PRRX1: variants seen among roughly 807,000 people sequenced by gnomAD.
PRRX1 encodes the protein paired related homeobox 1, also known as paired mesoderm homeobox protein 1.
Under a neutral mutation model 24.0 loss-of-function variants are expected in PRRX1, and 8 were observed. The observed-to-expected ratio is 0.33, with a 90% CI of 0.20 to 0.60. The LOEUF (loss-of-function observed/expected upper bound fraction) is 0.60, where lower values mean the gene tolerates loss of function less well. PRRX1 is among the 20% of genes least tolerant of loss of function. The pLI, the probability that PRRX1 is intolerant of heterozygous loss-of-function variation, is 0.82. For missense variants in PRRX1, 281 were observed against 322.4 expected, an observed-to-expected ratio of 0.87 and a Z score of 0.98; for synonymous variants, 160 against 131.7, an observed-to-expected ratio of 1.22 and a Z score of -1.47.
chr1:170,688,423 T>C (rs1207751239), intron 1 of PRRX1, among the ~76,000 whole-genome samples: 2 of 152,116 alleles, frequency 1.3e-5, no homozygotes, highest in Non-Finnish European at 2.9e-5. Context: ...AAATTTACTC[T>C]TAAAGATAGC....
intron 1 of PRRX1, among the ~76,000 whole-genome samples, chr1:170,685,840 C>T (rs557212795): frequency 3.3e-5 from 5 of 151,938 alleles, no homozygotes; most frequent in African/African-American, 1.2e-4. Flanking sequence ...TAAGGACAGG[C>T]CTTGAGTGCA....
intron 3 of PRRX1, among the ~76,000 whole-genome samples, chr1:170,729,433 A>G (rs1003522236): frequency 1.3e-5 from 2 of 149,762 alleles, no homozygotes; most frequent in Admixed American, 6.7e-5. Context: ...GAAAGGAGAA[A>G]ACCAAGGCAT....
chr1:170,719,031 C>T (rs1477479039), intron 1 of PRRX1, among the ~76,000 whole-genome samples: 1 of 152,102 alleles, frequency 6.6e-6, no homozygotes, highest in Non-Finnish European at 1.5e-5. Flanking sequence ...TGAACTGTTT[C>T]CTGTTCTTGG....
At chr1:170,703,255 T>A (rs934102661) in intron 1 of PRRX1, among the ~76,000 whole-genome samples, 3 of 152,226 alleles carry the variant, frequency 2.0e-5, no homozygotes, top group African/African-American at 4.8e-5. Flanking sequence ...TCTACGAATG[T>A]CAAGTGTTTC....
intron 1 of PRRX1, among the ~76,000 whole-genome samples, chr1:170,665,908 G>T (rs573483099): frequency 4.6e-5 from 7 of 152,348 alleles, no homozygotes; most frequent in African/African-American, 1.2e-4. Context: ...CCAGAGAAAG[G>T]TGGCCAACTC....
At chr1:170,676,335 T>G (rs1388640258) in intron 1 of PRRX1, among the ~76,000 whole-genome samples, 1 of 152,132 alleles carries the variant, frequency 6.6e-6, no homozygotes, top group Admixed American at 6.6e-5. Flanking sequence ...CCCTCTCTTT[T>G]TTTTTTCTTT....
chr1:170,665,239 T>C (rs1401835171), intron 1 of PRRX1, among the ~76,000 whole-genome samples: 1 of 152,216 alleles, frequency 6.6e-6, no homozygotes, highest in Non-Finnish European at 1.5e-5. Context: ...CGGAGGCCAG[T>C]GTCACCTTAG....
intron 1 of PRRX1, among the ~76,000 whole-genome samples, chr1:170,718,137 C>T (rs1654965163): frequency 6.6e-6 from 1 of 152,196 alleles, no homozygotes; most frequent in South Asian, 2.1e-4. Flanking sequence ...TTTTTTTCTA[C>T]AGAAACAGTC....
chr1:170,680,831 G>A (rs559689143), intron 1 of PRRX1, among the ~76,000 whole-genome samples: 18 of 152,244 alleles, frequency 1.2e-4, no homozygotes, highest in African/African-American at 4.3e-4. Context: ...AATTTTCTGA[G>A]TAGCAAGCAT....
intron 1 of PRRX1, among the ~76,000 whole-genome samples, chr1:170,677,452 C>T (rs1345080768): frequency 1.3e-5 from 2 of 152,170 alleles, no homozygotes; most frequent in Non-Finnish European, 2.9e-5. Flanking sequence ...GGGCATTTTG[C>T]TTACATTATT....
intron 1 of PRRX1, among the ~76,000 whole-genome samples, chr1:170,710,535 T>C (rs541000436): frequency 6.6e-6 from 1 of 152,336 alleles, no homozygotes; most frequent in African/African-American, 2.4e-5. Context: ...GTTGTCACAA[T>C]TTGTATCATT....
At position 170,667,674 on chromosome 1, in the gene PRRX1, A is replaced by T. The variant is rs530784011; in HGVS notation, c.241+3215A>T. The T allele has an allele frequency of 3.9e-5, 6 of 152,358 alleles. No homozygotes were observed. The South Asian group carries it at 1.2e-3, about 32-fold the overall frequency. 9.4% of individuals were successfully genotyped at this position (152,358 alleles called of 1,614,324 possible). ...CTCTCCCCCACCCCCAAAGGGACTC[A>T]GGGATGAAACCAGGAGTCTGGCGCT... is the stretch of plus-strand genomic sequence containing the variant. On this transcript the variant is annotated intron_variant, in intron 1 of 3. Coordinates refer to ENST00000239461, the MANE Select transcript of PRRX1 (RefSeq NM_022716.4).
intron 1 of PRRX1, among the ~76,000 whole-genome samples, chr1:170,719,040 G>A (rs939584808): frequency 6.6e-6 from 1 of 152,134 alleles, no homozygotes; most frequent in African/African-American, 2.4e-5. Context: ...TCCTGTTCTT[G>A]GGTTCTCAGG....
intron 1 of PRRX1, among the ~76,000 whole-genome samples, chr1:170,710,347 T>C (rs1034186814): frequency 6.6e-6 from 1 of 152,148 alleles, no homozygotes; most frequent in Non-Finnish European, 1.5e-5. Flanking sequence ...CAGATCTTAG[T>C]CCCATAGCCC....
intron 1 of PRRX1, among the ~76,000 whole-genome samples, chr1:170,699,202 G>A (rs1417599216): frequency 6.6e-6 from 1 of 152,186 alleles, no homozygotes; most frequent in African/African-American, 2.4e-5. Context: ...CACTTTCTAT[G>A]CAGGAGATAA....
At chr1:170,664,073 C>CTT, upstream of PRRX1, 2 of 788,412 alleles carry the variant, frequency 2.5e-6, no homozygotes, top group Non-Finnish European at 3.9e-6. Context: ...TCCTCTCCTT[C>CTT]CCTCCCTCTT....
intron 1 of PRRX1, among the ~76,000 whole-genome samples, chr1:170,688,946 CAA>C (rs1319466808): frequency 1.3e-5 from 2 of 151,908 alleles, no homozygotes; most frequent in African/African-American, 4.8e-5. Context: ...AGTTCTGTGA[CAA>C]TATAATTGTT....
intron 1 of PRRX1, among the ~76,000 whole-genome samples, chr1:170,702,566 A>T (rs1290477626): frequency 1.3e-5 from 2 of 152,202 alleles, no homozygotes; most frequent in Admixed American, 1.3e-4. Flanking sequence ...TAAAAAGAGA[A>T]CTATTCAACT....
chr1:170,699,148 G>C (rs1281684912), intron 1 of PRRX1, among the ~76,000 whole-genome samples: 1 of 152,118 alleles, frequency 6.6e-6, no homozygotes, highest in African/African-American at 2.4e-5. Flanking sequence ...GAAGTCTGTG[G>C]TGTGTTTTTC....
Sources: allele counts gnomAD v4.1 joint callset (sites outside exome capture counted in the v4.1 genomes callset), GRCh38; gene constraint gnomAD v4.1.1; transcripts MANE v1.5; gene names NCBI Gene and HGNC (gene_info 2026-07-23, HGNC 2026-07-21).